Variants in ZNF286A observed in about 807,000 individuals in gnomAD.
ZNF286A encodes zinc finger protein ZNF286.
A neutral mutation model predicts 49.3 loss-of-function variants in ZNF286A; 34 were observed. That is an observed-to-expected ratio of 0.69 (90% CI 0.52 to 0.92). The LOEUF is 0.92. Among genes scored for constraint, ZNF286A ranks in the 40% least tolerant of loss-of-function variants. The pLI is 0.00. For missense variants in ZNF286A, 462 were observed against 600.2 expected (o/e 0.77, Z 2.41); for synonymous variants, 155 against 200.4 (o/e 0.77, Z 1.91).
intron 5 of ZNF286A, 142 bp downstream of exon 5, chr17:15,708,389 A>G (rs1268489908): frequency 2.0e-6 from 1 of 510,564 alleles, no homozygotes. Context: ...TATATACAGA[A>G]GTCCAGAAAA....
At chr17:15,705,004 G>GC in intron 3 of ZNF286A, 1 of 758,080 alleles carries the variant, frequency 1.3e-6, no homozygotes, top group Non-Finnish European at 1.9e-6. Flanking sequence ...CCCTGGAGAG[G>GC]CCCCGGCGGC....
At chr17:15,706,327 TG>T in intron 3 of ZNF286A, 59 bp from the exon 4 acceptor site, 3 of 1,423,752 alleles carry the variant, frequency 2.1e-6, no homozygotes, top group Non-Finnish European at 9.9e-7. Context: ...CAGCAGAAAC[TG>T]GGGGATGAAA....
intron 3 of ZNF286A, chr17:15,704,980 TGCTGCC>T: frequency 1.8e-6 from 2 of 1,082,176 alleles, no homozygotes; most frequent in East Asian, 5.9e-5. Flanking sequence ...GGGGCCCAAC[TGCTGCC>T]GCTGCGGCCC....
intron 3 of ZNF286A, chr17:15,704,508 C>G (rs147828999): frequency 1.2e-6 from 2 of 1,613,930 alleles, no homozygotes; most frequent in African/African-American, 2.7e-5. Context: ...GGCCCGCCTC[C>G]TCGTTGAGTG....
At chr17:15,710,399 T>C (rs1476315886) in intron 5 of ZNF286A, among the ~76,000 whole-genome samples, 3 of 152,220 alleles carry the variant, frequency 2.0e-5, no homozygotes, top group Admixed American at 2.0e-4. Flanking sequence ...TTTATTTTTG[T>C]ATATGATGAA....
intron 3 of ZNF286A, 67 bp downstream of exon 3, chr17:15,701,307 T>G: frequency 1.4e-6 from 2 of 1,430,598 alleles, no homozygotes; most frequent in Admixed American, 1.9e-5. Context: ...CCCTTCTTTG[T>G]GATGTGGAGT....
rs1219551477 is a variant in ZNF286A, at chr17:15,704,470, T to A, written c.127-1917T>A. On this transcript the variant is annotated intron_variant, in intron 3 of 5. Coordinates refer to ENST00000583566, the MANE Select transcript of ZNF286A (RefSeq NM_001130842.2). Reference sequence around the variant, plus strand: ...TGTGAGCAGACGGGCCCGAGCCGCATACTCCTCGGAGTTCTCCAAGAGCAG... The same window carrying A: ...TGTGAGCAGACGGGCCCGAGCCGCAAACTCCTCGGAGTTCTCCAAGAGCAG... 2.5e-6 allele frequency: 4 copies of A among 1,613,456 alleles called. No individual in the cohort carries two copies. In the East Asian group the frequency reaches 8.9e-5, roughly 36 times the overall value.
chr17:15,707,753 C>T (rs576457033), intron 4 of ZNF286A, among the ~76,000 whole-genome samples: 7 of 152,334 alleles, frequency 4.6e-5, no homozygotes, highest in Non-Finnish European at 8.8e-5. Flanking sequence ...GGTCCACCCT[C>T]CCTTACTTCA....
rs765071182 is a variant in ZNF286A at position 15,701,257 on chromosome 17, T to A, written c.126+17T>A. 7 of 1,613,296 alleles carry A rather than the reference T, an allele frequency of 4.3e-6. No homozygotes were observed. Among genetic ancestry groups the A allele is most frequent in the Middle Eastern group, 1.7e-4 (1 of 6,060 alleles). ...AGATCCCAGGTGAGTGAGTGCTGATTATTGGAATTACACCTTGTTTCTTAG... is the reference window on the plus strand; with the variant it reads ...AGATCCCAGGTGAGTGAGTGCTGATAATTGGAATTACACCTTGTTTCTTAG... On this transcript the variant is annotated intron_variant, in intron 3 of 5. Coordinates refer to ENST00000583566, the MANE Select transcript of ZNF286A (RefSeq NM_001130842.2).
chr17:15,719,804 A>G lies in ZNF286A; in HGVS notation c.*2514A>G, dbSNP rs556298793. 4 of 152,338 alleles carry G rather than the reference A, an allele frequency of 2.6e-5. No homozygotes were observed. The South Asian group carries it at 8.3e-4, about 32-fold the overall frequency. 9.4% of individuals were successfully genotyped at this position (152,338 alleles called of 1,614,324 possible). A position where few individuals can be genotyped will look rare whatever the true frequency, so the allele number is the denominator to read the frequency against. On this transcript the variant is annotated 3_prime_UTR_variant, in exon 6 of 6. Transcript: ENST00000583566. ...ATTTTCTTGGCCCCTGTTCCAGAGC[A>G]TTCATCAAGTCAGATAAAGGGTTTA...
intron 3 of ZNF286A, among the ~76,000 whole-genome samples, chr17:15,704,066 A>AT (rs201458335): frequency 0.038 from 5,442 of 144,142 alleles, 180 homozygotes; most frequent in East Asian, 0.14. Flanking sequence ...TATTATTATT[A>AT]TTTTTTTTTT....
Position 15,706,403 on chromosome 17 carries a change from A to G in ZNF286A, c.143A>G (p.Lys48Arg). 1 of 1,613,890 alleles carries G rather than the reference A, an allele frequency of 6.2e-7. No homozygotes were observed. Among genetic ancestry groups the G allele is most frequent in the Non-Finnish European group, 8.5e-7 (1 of 1,179,852 alleles). The change falls in exon 4 of 6, where the codon AAG (lysine) becomes AGG (arginine). Residue 48 changes from lysine (K) to arginine (R), a missense_variant. By Grantham distance (26) the Lys-to-Arg change is conservative (BLOSUM62 2). Around this residue, in one of 3 missense-constraint regions of ZNF286A, gnomAD observed 259 missense variants for 272.2 expected, o/e 0.95. Coordinates refer to ENST00000583566, the MANE Select transcript of ZNF286A (RefSeq NM_001130842.2). ...ATGTTTTAGGAAACAGTGACATTCA[A>G]GGATGTGGCCATGGACTTTACACCA... ...TARSQETVTFKDVAMDFTPEE... is the reference protein window; with the variant it reads ...TARSQETVTFRDVAMDFTPEE...
chr17:15,711,865 C>CA lies in ZNF286A; in HGVS notation c.334+3618_334+3619insA, dbSNP rs987948178. ...TTTGCATTTATCTGTAATCTGCCCC[C>CA]CCCCCGGCTTTTTTTTTTTTTTTTG... On this transcript the variant is annotated intron_variant, in intron 5 of 5. Transcript: ENST00000583566. Among the ~76,000 whole-genome samples the CA allele has an allele frequency of 1.1e-3, 114 of 101,974 alleles. 1 individual carries two copies. Among genetic ancestry groups the CA allele is most frequent in the Admixed American group, 3.4e-3 (35 of 10,328 alleles). 66.9% of individuals were successfully genotyped at this position (101,974 alleles called of 152,430 possible).
intron 4 of ZNF286A, among the ~76,000 whole-genome samples, chr17:15,707,653 T>C (rs1311536181): frequency 6.6e-6 from 1 of 152,210 alleles, no homozygotes; most frequent in East Asian, 1.9e-4. Flanking sequence ...CTTTCTTTTC[T>C]GACAGTTGAA....
chr17:15,716,971 G>T lies in ZNF286A; in HGVS notation c.1247G>T (p.Gly416Val). Reference sequence around the variant, plus strand: ...AAGCCATATGAATGCAGTGAATGTGGAAAAACTTTTAGTCAGAGCACACAT... The same window carrying T: ...AAGCCATATGAATGCAGTGAATGTGTAAAAACTTTTAGTCAGAGCACACAT... ...GEKPYECSECGKTFSQSTHLV... is the reference protein window; with the variant it reads ...GEKPYECSECVKTFSQSTHLV... Residue 416 changes from glycine to valine, a missense_variant, in exon 6 of 6, where the codon GGA becomes GTA. Physicochemically the swap from Gly to Val is moderately radical, Grantham distance 109. This residue lies in a region of ZNF286A where 201 missense variants were observed against 311.3 expected (regional missense o/e 0.65). Coordinates refer to ENST00000583566, the MANE Select transcript of ZNF286A (RefSeq NM_001130842.2). The T allele has an allele frequency of 6.2e-7, 1 of 1,611,452 alleles. No homozygotes were observed. The highest frequency in any genetic ancestry group is 8.5e-7 in the Non-Finnish European group (1 of 1,178,524).
chr17:15,701,438 A>T, intron 3 of ZNF286A, 198 bp downstream of exon 3: 1 of 465,580 alleles, frequency 2.1e-6, no homozygotes, highest in African/African-American at 1.9e-5. Context: ...TTTCTTCCCT[A>T]TTTAGTGTTT....
At position 15,716,365 on chromosome 17, in the gene ZNF286A, C is replaced by G; in HGVS notation, c.641C>G (p.Ser214Cys). The G allele has an allele frequency of 6.2e-7, 1 of 1,613,794 alleles. No homozygotes were observed. The highest frequency in any genetic ancestry group is 1.7e-5 in the Admixed American group (1 of 59,976). ...LITEDRVPKG[S>C]YAFHTLEKSL... ...ACTGAAGACAGAGTTCCCAAAGGAT[C>G]TTATGCCTTCCATACACTTGAAAAA... is the stretch of plus-strand genomic sequence containing the variant. Residue 214 changes from serine to cysteine, a missense_variant, in exon 6 of 6, where the codon TCT becomes TGT. Physicochemically the swap from Ser to Cys is moderately radical, Grantham distance 112. Transcript: ENST00000583566.
intron 5 of ZNF286A, 42 bp from the exon 6 acceptor site, chr17:15,716,017 G>A: frequency 6.2e-7 from 1 of 1,613,196 alleles, no homozygotes; most frequent in Non-Finnish European, 8.5e-7. Flanking sequence ...TTTTTGTTGA[G>A]CACAGAAAAC....
intron 3 of ZNF286A, chr17:15,704,377 G>A: frequency 6.2e-7 from 1 of 1,609,988 alleles, no homozygotes; most frequent in Non-Finnish European, 8.5e-7. Context: ...GGAAGCTGCA[G>A]TGCCACTGGC....
Sources: gnomAD v4.1 joint callset for allele counts (sites outside exome capture counted in the v4.1 genomes callset) on GRCh38, gnomAD v4.1.1 for gene constraint, gnomAD v4.1.1 regional missense constraint, MANE v1.5 for transcripts, NCBI Gene and HGNC (gene_info 2026-07-23, HGNC 2026-07-21) for gene names.